Variants in ADCY9 observed in about 807,000 individuals in gnomAD.
The protein encoded by ADCY9 is adenylate cyclase type 9.
In ADCY9, 50 loss-of-function variants were observed where a neutral mutation model predicts 101.5. The ratio of observed to expected loss-of-function variants is 0.49; its 90% CI spans 0.39 to 0.62. The LOEUF is 0.62. Among genes scored for constraint, ADCY9 ranks in the 20% least tolerant of loss-of-function variants. The probability of loss-of-function intolerance (pLI) is 0.00; values close to 1 mark genes in which losing one functional copy is unlikely to be tolerated. For synonymous variants in ADCY9, 905 were observed against 769.3 expected, an observed-to-expected ratio of 1.18 and a Z score of -2.92; for missense variants, 1,662 against 1,800.4, an observed-to-expected ratio of 0.92 and a Z score of 1.39.
At chr16:3,969,542 T>C (rs1351106832) in intron 10 of ADCY9, among the ~76,000 whole-genome samples, 4 of 127,810 alleles carry the variant, frequency 3.1e-5, no homozygotes, top group Non-Finnish European at 6.6e-5. Context: ...CCTGGCTGAG[T>C]AGCACAATTT....
chr16:3,996,402 A>T (rs2056287195), intron 3 of ADCY9, among the ~76,000 whole-genome samples: 1 of 152,226 alleles, frequency 6.6e-6, no homozygotes, highest in African/African-American at 2.4e-5. Context: ...ATATTTGCCA[A>T]TGAGACCACT....
rs115549077 is a variant in ADCY9, at chr16:4,029,669, C to T, written c.1694-22111G>A. 9.1e-3 allele frequency among the ~76,000 whole-genome samples: 1,383 copies of T among 152,178 alleles called. 25 individuals carry two copies. Among genetic ancestry groups the T allele is most frequent in the African/African-American group, 0.032 (1,311 of 41,528 alleles). On this transcript the variant is annotated intron_variant, in intron 2 of 10. Transcript: ENST00000294016. ...GACTGAGGCAAAAGAATGTTGAACC[C>T]GGGAGGTGGAGGTTGCAATGAGCCG...
intron 2 of ADCY9, among the ~76,000 whole-genome samples, chr16:4,048,608 A>G (rs1041301236): frequency 3.9e-5 from 6 of 152,350 alleles, no homozygotes; most frequent in Admixed American, 6.5e-5. Flanking sequence ...AATCACACAG[A>G]TAGGCCCCTC....
chr16:3,989,181 G>A (rs879911989), intron 5 of ADCY9, 85 bp from the exon 6 acceptor site: 19 of 1,020,818 alleles, frequency 1.9e-5, no homozygotes, highest in African/African-American at 1.3e-4. Context: ...CTACCAAAAC[G>A]CTGCTCATTA....
At chr16:4,099,754 G>A (rs566717171) in intron 2 of ADCY9, among the ~76,000 whole-genome samples, 20 of 152,328 alleles carry the variant, frequency 1.3e-4, no homozygotes, top group African/African-American at 3.8e-4. Flanking sequence ...TTTGGAGGAC[G>A]TTAAGAAACC....
chr16:3,988,382 T>C (rs1419519768), intron 6 of ADCY9, among the ~76,000 whole-genome samples: 1 of 148,480 alleles, frequency 6.7e-6, no homozygotes, highest in Non-Finnish European at 1.5e-5. Flanking sequence ...CACCCAAGAC[T>C]CCAGGACAGG....
At chr16:4,011,097 C>T (rs1396906295) in intron 2 of ADCY9, among the ~76,000 whole-genome samples, 1 of 152,142 alleles carries the variant, frequency 6.6e-6, no homozygotes, top group African/African-American at 2.4e-5. Context: ...TCAGCACCCT[C>T]CACACGGAGA....
At chr16:4,081,029 C>T (rs1436049123) in intron 2 of ADCY9, among the ~76,000 whole-genome samples, 1 of 152,042 alleles carries the variant, frequency 6.6e-6, no homozygotes, top group Non-Finnish European at 1.5e-5. Flanking sequence ...AACCTTGACT[C>T]GAGGTAGGGA....
chr16:3,974,038 G>C (rs1454769923), intron 10 of ADCY9, among the ~76,000 whole-genome samples: 1 of 152,134 alleles, frequency 6.6e-6, no homozygotes, highest in Admixed American at 6.6e-5. Context: ...TGGATTTCAA[G>C]TCAGTTATTT....
intron 7 of ADCY9, chr16:3,981,797 T>C (rs2056145860): frequency 6.6e-6 from 1 of 151,910 alleles, no homozygotes; most frequent in Non-Finnish European, 1.5e-5. Context: ...GAGATGAGGT[T>C]TCACCATGCT....
At chr16:4,102,417 G>A (rs965265636) in intron 2 of ADCY9, among the ~76,000 whole-genome samples, 1 of 152,090 alleles carries the variant, frequency 6.6e-6, no homozygotes, top group Non-Finnish European at 1.5e-5. Flanking sequence ...GTTGATGGTT[G>A]TTTCTTTGTT....
At chr16:4,054,931 C>A (rs181535116) in intron 2 of ADCY9, among the ~76,000 whole-genome samples, 1 of 152,138 alleles carries the variant, frequency 6.6e-6, no homozygotes, top group Non-Finnish European at 1.5e-5. Context: ...CAACACCACT[C>A]GAGATTTTAG....
chr16:4,065,158 C>A (rs1315914533), intron 2 of ADCY9, among the ~76,000 whole-genome samples: 1 of 152,178 alleles, frequency 6.6e-6, no homozygotes, highest in African/African-American at 2.4e-5. Context: ...CCTCTCTCGT[C>A]ATGTCGTTTG....
At chr16:4,008,527 T>C (rs998438222) in intron 2 of ADCY9, among the ~76,000 whole-genome samples, 2 of 151,880 alleles carry the variant, frequency 1.3e-5, no homozygotes, top group African/African-American at 2.4e-5. Context: ...GCCTAGTGTA[T>C]GCCACACACC....
chr16:3,961,079 T>G (rs1011995716), downstream of ADCY9, among the ~76,000 whole-genome samples: 2 of 152,130 alleles, frequency 1.3e-5, no homozygotes, highest in African/African-American at 4.8e-5. Flanking sequence ...TGGGGCTGAT[T>G]GCAAAAATTA....
chr16:4,044,010 A>T (rs1490539914), intron 2 of ADCY9, among the ~76,000 whole-genome samples: 4 of 152,170 alleles, frequency 2.6e-5, no homozygotes, highest in Admixed American at 2.6e-4. Flanking sequence ...TTTTAAAAAA[A>T]TGAAATAGCT....
intron 10 of ADCY9, 111 bp downstream of exon 10, chr16:3,974,558 C>T (rs752278590): frequency 4.1e-5 from 34 of 821,132 alleles, no homozygotes; most frequent in African/African-American, 2.1e-4. Flanking sequence ...TAAGAATGCA[C>T]GTATTGTTCC....
At position 3,965,976 on chromosome 16, in the gene ADCY9, A is replaced by G; in HGVS notation, c.3861T>C (p.Tyr1287=). The G allele has an allele frequency of 6.2e-7, 1 of 1,614,166 alleles. No individual in the cohort carries two copies. The highest frequency in any genetic ancestry group is 1.3e-5 in the African/African-American group (1 of 75,044). The part of the protein sequence containing the change: ...EIANLVPSVQ[Y]VDKTSLGSDS... ...CAGAACCCAGAGATGTCTTGTCCAC[A>G]TACTGGACAGAAGGCACCAGGTTGG... The change falls in exon 11 of 11, where the codon TAT becomes TAC. Residue 1287 remains tyrosine, a synonymous_variant. Transcript: ENST00000294016.
chr16:4,076,896 G>C lies in ADCY9; in HGVS notation c.1693+36854C>G, dbSNP rs181353728. Among the ~76,000 whole-genome samples the C allele has an allele frequency of 3.9e-4, 59 of 152,190 alleles. No individual in the cohort carries two copies. In the East Asian group the frequency reaches 9.5e-3, roughly 24 times the overall value. ...GTCCGAGACCAGCTTGGCCAACATG[G>C]TGAAACCCCGTCTCTACTAAAAATA... is the stretch of plus-strand genomic sequence containing the variant. On this transcript the variant is annotated intron_variant, in intron 2 of 10. Coordinates refer to ENST00000294016, the MANE Select transcript of ADCY9 (RefSeq NM_001116.4).
Sources: allele counts gnomAD v4.1 joint callset (sites outside exome capture counted in the v4.1 genomes callset), GRCh38; gene constraint gnomAD v4.1.1; transcripts MANE v1.5; gene names NCBI Gene and HGNC (gene_info 2026-07-23, HGNC 2026-07-21).